The following PCDHGA4 variants were observed in gnomAD, a reference collection of about 807,000 sequenced individuals.
PCDHGA4 encodes protocadherin gamma subfamily A, 4.
A neutral mutation model predicts 54.6 loss-of-function variants in PCDHGA4; 38 were observed. That is an observed-to-expected ratio of 0.70 (90% CI 0.54 to 0.91). The LOEUF (loss-of-function observed/expected upper bound fraction) is 0.91, where lower values mean the gene tolerates loss of function less well. Ranked by LOEUF, PCDHGA4 falls within the 40% of genes least tolerant of loss-of-function variation. The probability of loss-of-function intolerance (pLI) is 0.00; values close to 1 mark genes in which losing one functional copy is unlikely to be tolerated. For missense variants in PCDHGA4, 1,298 were observed against 1,220.9 expected, an observed-to-expected ratio of 1.06 and a Z score of -0.94; for synonymous variants, 511 against 512.9, an observed-to-expected ratio of 1.00 and a Z score of 0.05.
At chr5:141,433,377 A>ATCTG (rs1300427377) in intron 1 of PCDHGA4, among the ~76,000 whole-genome samples, 1 of 150,958 alleles carries the variant, frequency 6.6e-6, no homozygotes, top group Non-Finnish European at 1.5e-5. Context: ...CTATCTATCT[A>ATCTG]TCTATCTATC....
chr5:141,487,810 C>G lies in PCDHGA4; in HGVS notation c.2515-6997C>G, dbSNP rs377060474. ...ATTAACCAGAGTTGTCACAGTTTAGCATTGGGGGCGGGTCATGCCTATATC... is the reference window on the plus strand; with the variant it reads ...ATTAACCAGAGTTGTCACAGTTTAGGATTGGGGGCGGGTCATGCCTATATC... On this transcript the variant is annotated intron_variant, in intron 1 of 3. Coordinates refer to ENST00000571252, the MANE Select transcript of PCDHGA4 (RefSeq NM_018917.4). The surrounding 1 kb of genome is among the most constrained non-coding windows in gnomAD (Gnocchi z 5.0). 7.1e-7 allele frequency: 1 copy of G among 1,417,854 alleles called. No homozygotes were observed. The highest frequency in any genetic ancestry group is 2.1e-5 in the Admixed American group (1 of 47,076). The allele number at this position is 1,417,854 out of a possible 1,614,324, so 87.8% of individuals were successfully genotyped here.
Position 141,490,070 on chromosome 5 carries a change from T to C in PCDHGA4, c.2515-4737T>C, listed in dbSNP as rs2099695766. ...CCAGACGAGGGCACCAACGGCCAAC[T>C]AGACTATTCTTTTGGAGACCACACA... On this transcript the variant is annotated intron_variant, in intron 1 of 3. Transcript: ENST00000571252. The surrounding 1 kb of genome is among the most constrained non-coding windows in gnomAD (Gnocchi z 5.4). The C allele has an allele frequency of 6.2e-7, 1 of 1,614,198 alleles. No individual in the cohort carries two copies.
intron 1 of PCDHGA4, chr5:141,426,967 T>G (rs151241654): frequency 2.2e-6 from 1 of 456,702 alleles, no homozygotes; most frequent in East Asian, 6.9e-5. Context: ...GCAATTCAAA[T>G]TGAGGTCACT....
chr5:141,415,434 C>T, intron 1 of PCDHGA4: 2 of 1,614,192 alleles, frequency 1.2e-6, no homozygotes, highest in Non-Finnish European at 1.7e-6. Context: ...TTCGGGCTTT[C>T]CTGCAGACCT....
At chr5:141,505,532 G>A in intron 3 of PCDHGA4, 51 bp downstream of exon 3, 2 of 1,611,270 alleles carry the variant, frequency 1.2e-6, no homozygotes, top group Non-Finnish European at 1.7e-6. Context: ...GGGGTTCTGG[G>A]GTGCATCTCA....
intron 1 of PCDHGA4, chr5:141,377,576 A>G (rs1241799520): frequency 1.3e-5 from 2 of 151,642 alleles, no homozygotes; most frequent in African/African-American, 2.4e-5. Context: ...AGCCTGGGAG[A>G]CAGAATGAGA....
chr5:141,362,713 T>C (rs1762646923), intron 1 of PCDHGA4: 1 of 922,312 alleles, frequency 1.1e-6, no homozygotes, highest in Non-Finnish European at 1.6e-6. Flanking sequence ...AAGTGTTTTC[T>C]CTCTGAAGTG....
chr5:141,474,962 A>G (rs954703806), intron 1 of PCDHGA4, among the ~76,000 whole-genome samples: 3 of 152,256 alleles, frequency 2.0e-5, no homozygotes, highest in Non-Finnish European at 4.4e-5. Flanking sequence ...CACTATCCTA[A>G]TCATTATAAT....
intron 1 of PCDHGA4, chr5:141,385,148 T>G (rs1052139407): frequency 6.2e-7 from 1 of 1,614,218 alleles, no homozygotes; most frequent in Admixed American, 1.7e-5. Context: ...CAGGCTTTCC[T>G]GCAGACCTAT....
intron 1 of PCDHGA4, chr5:141,403,166 A>G (rs907710099): frequency 1.2e-6 from 2 of 1,614,002 alleles, no homozygotes; most frequent in Non-Finnish European, 1.7e-6. Flanking sequence ...TAGAGGTAGG[A>G]CGCAGCTTTT....
At chr5:141,403,588 C>T in intron 1 of PCDHGA4, 1 of 1,613,904 alleles carries the variant, frequency 6.2e-7, no homozygotes, top group South Asian at 1.1e-5. Flanking sequence ...ACCTGGTCCT[C>T]ACGGCCTCGG....
At position 141,431,998 on chromosome 5, in the gene PCDHGA4, A is replaced by G. The variant is rs201105272; in HGVS notation, c.2515-62809A>G. The G allele has an allele frequency of 1.2e-6, 2 of 1,614,176 alleles. No homozygotes were observed. Among genetic ancestry groups the G allele is most frequent in the Admixed American group, 1.7e-5 (1 of 60,030 alleles). On this transcript the variant is annotated intron_variant, in intron 1 of 3. Coordinates refer to ENST00000571252, the MANE Select transcript of PCDHGA4 (RefSeq NM_018917.4). This position sits in a 1 kb window ranked among gnomAD's most constrained non-coding sequence, Gnocchi z 4.8. The stretch of plus-strand genomic sequence containing the variant: ...TCACAGACATAGTCTTGGATAGGGA[A>G]CAGGTTCCTAGCTACAACATCACAG...
At chr5:141,450,190 G>A (rs1368992094) in intron 1 of PCDHGA4, among the ~76,000 whole-genome samples, 1 of 151,588 alleles carries the variant, frequency 6.6e-6, no homozygotes, top group African/African-American at 2.4e-5. Flanking sequence ...GCTAATTTTT[G>A]TATTTTTAGT....
chr5:141,422,670 C>T, intron 1 of PCDHGA4: 1 of 1,607,244 alleles, frequency 6.2e-7, no homozygotes, highest in Non-Finnish European at 8.5e-7. Flanking sequence ...TCGACCCGGA[C>T]AGCAAACAGA....
chr5:141,431,867 A>C lies in PCDHGA4; in HGVS notation c.2515-62940A>C. On this transcript the variant is annotated intron_variant, in intron 1 of 3. Transcript: ENST00000571252. The surrounding 1 kb of genome is among the most constrained non-coding windows in gnomAD (Gnocchi z 4.8). ...CAGAGGGACATTAATTGCCCTTTTA[A>C]ATGTAAATGACCAAGATTCTGAGGA... 6.2e-7 allele frequency: 1 copy of C among 1,614,226 alleles called. No individual in the cohort carries two copies. Among genetic ancestry groups the C allele is most frequent in the Non-Finnish European group, 8.5e-7 (1 of 1,180,024 alleles).
In PCDHGA4 at chr5:141,399,794, C is replaced by A. The variant is rs2093888579; in HGVS notation, c.2514+42173C>A. ...GTGGGCGACCGAAACGACAACGCAC[C>A]GCGGGTGCTGTACCCCGCGCTGGGT... is the stretch of plus-strand genomic sequence containing the variant. On this transcript the variant is annotated intron_variant, in intron 1 of 3. Transcript: ENST00000571252. 1.9e-6 allele frequency: 3 copies of A among 1,613,268 alleles called. No homozygotes were observed. The highest frequency in any genetic ancestry group is 1.1e-5 in the South Asian group (1 of 91,052).
intron 2 of PCDHGA4, among the ~76,000 whole-genome samples, chr5:141,497,336 A>G (rs558221190): frequency 1.6e-3 from 251 of 152,122 alleles, no homozygotes; most frequent in Non-Finnish European, 2.8e-3. Flanking sequence ...TTCACCATTG[A>G]ACCTGGAAGC....
intron 1 of PCDHGA4, chr5:141,392,838 AGACGCGGC>A (rs1239948956): frequency 6.2e-7 from 1 of 1,608,522 alleles, no homozygotes; most frequent in South Asian, 1.1e-5. Context: ...GAGTCGCCCC[AGACGCGGC>A]GAGCTGATCC....
intron 1 of PCDHGA4, chr5:141,413,423 C>A (rs770419729): frequency 6.2e-7 from 1 of 1,614,078 alleles, no homozygotes; most frequent in Non-Finnish European, 8.5e-7. Flanking sequence ...TCTCTGAACC[C>A]GCGCAGCGGC....
Sources: allele counts gnomAD v4.1 joint callset (sites outside exome capture counted in the v4.1 genomes callset), GRCh38; gene constraint gnomAD v4.1.1; non-coding constraint Gnocchi (gnomAD v3.1); transcripts MANE v1.5; gene names NCBI Gene and HGNC (gene_info 2026-07-23, HGNC 2026-07-21).